Variants in SEL1L2 observed in about 807,000 individuals in gnomAD.
The protein encoded by SEL1L2 is SEL1L2 adaptor subunit of SYVN1 ubiquitin ligase, also known as protein sel-1 homolog 2.
Under a neutral mutation model 98.8 loss-of-function variants are expected in SEL1L2, and 89 were observed. The observed-to-expected ratio is 0.90, with a 90% CI of 0.76 to 1.07. SEL1L2 has a LOEUF of 1.07. Ranked by LOEUF, SEL1L2 falls within the 50% of genes least tolerant of loss-of-function variation. The pLI, the probability that SEL1L2 is intolerant of heterozygous loss-of-function variation, is 0.00. For missense variants in SEL1L2, 788 were observed against 812.0 expected (o/e 0.97, Z 0.36); for synonymous variants, 262 against 278.5 (o/e 0.94, Z 0.59).
At chr20:13,891,193 C>A (rs2047189788) in intron 5 of SEL1L2, among the ~76,000 whole-genome samples, 2 of 151,640 alleles carry the variant, frequency 1.3e-5, no homozygotes, top group African/African-American at 4.9e-5. Flanking sequence ...ACCCGAAGAG[C>A]CCCAAACCAA....
At chr20:13,891,698 G>T (rs1220214708) in intron 5 of SEL1L2, among the ~76,000 whole-genome samples, 2 of 143,152 alleles carry the variant, frequency 1.4e-5, no homozygotes, top group Non-Finnish European at 3.0e-5. Flanking sequence ...AAAAGACAAA[G>T]CTGTCCACCA....
intron 18 of SEL1L2, among the ~76,000 whole-genome samples, chr20:13,850,748 A>T (rs1600432056): frequency 6.6e-6 from 1 of 152,084 alleles, no homozygotes; most frequent in Admixed American, 6.6e-5. Flanking sequence ...GCCTCGTGAA[A>T]CCCCAAACTG....
At position 13,865,335 on chromosome 20, in the gene SEL1L2, T is replaced by A; in HGVS notation, c.1570+14A>T. 6.2e-7 allele frequency: 1 copy of A among 1,613,450 alleles called. No individual in the cohort carries two copies. Among genetic ancestry groups the A allele is most frequent in the Non-Finnish European group, 8.5e-7 (1 of 1,179,524 alleles). On this transcript the variant is annotated intron_variant, in intron 16 of 19. Coordinates refer to ENST00000284951, the MANE Select transcript of SEL1L2 (RefSeq NM_025229.2). ...TATGATTGGGGGATTGCAGAGAATTTTAACTCATCTTACTAGATTCCAAAA... is the reference window on the plus strand; with the variant it reads ...TATGATTGGGGGATTGCAGAGAATTATAACTCATCTTACTAGATTCCAAAA...
intron 3 of SEL1L2, among the ~76,000 whole-genome samples, chr20:13,921,923 T>C (rs576140980): frequency 1.5e-3 from 225 of 152,184 alleles, no homozygotes; most frequent in Non-Finnish European, 2.3e-3. Context: ...CATCACCTCA[T>C]TGTAAAATGG....
At chr20:13,901,062 TCTTTCTTTCTTTC>T (rs1364159969) in intron 5 of SEL1L2, among the ~76,000 whole-genome samples, 27 of 142,596 alleles carry the variant, frequency 1.9e-4, no homozygotes, top group African/African-American at 6.7e-4. Flanking sequence ...TTTTTCTTTT[TCTTTCTTTCTTTC>T]TTTTTTTTTT....
intron 1 of SEL1L2, among the ~76,000 whole-genome samples, chr20:13,957,804 G>A (rs1446932182): frequency 1.3e-5 from 2 of 152,112 alleles, no homozygotes; most frequent in African/African-American, 4.8e-5. Flanking sequence ...TTGAGCCCGG[G>A]AAATCAAGGC....
In SEL1L2 at chr20:13,876,040, T is replaced by C. The variant is rs376944893; in HGVS notation, c.1102A>G (p.Lys368Glu). 78 of 1,612,582 alleles carry C rather than the reference T, an allele frequency of 4.8e-5. No individual in the cohort carries two copies. The highest frequency in any genetic ancestry group is 6.7e-5 in the Admixed American group (4 of 59,998). ...ACAACAGTGCATTGAGGACATACCT[T>C]ACTGGCTGCCATGGAAAAGTACTTG... ...AFKYFSMAAS[K>E]GNAIGLHGLG... Residue 368 changes from lysine (K) to glutamate (E), a missense_variant and splice_region_variant, in exon 12 of 20, where the codon AAG becomes GAG. Transcript: ENST00000284951.
intron 1 of SEL1L2, among the ~76,000 whole-genome samples, chr20:13,985,291 A>G (rs1569090325): frequency 6.6e-6 from 1 of 152,202 alleles, no homozygotes; most frequent in Non-Finnish European, 1.5e-5. Flanking sequence ...GTTGCTTCTT[A>G]CATACTACAC....
intron 4 of SEL1L2, among the ~76,000 whole-genome samples, chr20:13,916,671 T>A (rs961262661): frequency 1.3e-5 from 2 of 152,022 alleles, no homozygotes; most frequent in Non-Finnish European, 1.5e-5. Context: ...CCGGGTGTGG[T>A]GGTGGGCACC....
chr20:13,882,762 T>TG (rs1312028035), intron 10 of SEL1L2, among the ~76,000 whole-genome samples: 1 of 151,952 alleles, frequency 6.6e-6, no homozygotes, highest in Non-Finnish European at 1.5e-5. Context: ...AGTTTGGGAC[T>TG]ATTTTTTTAA....
chr20:13,975,478 C>T (rs764493815), intron 1 of SEL1L2, among the ~76,000 whole-genome samples: 7 of 152,218 alleles, frequency 4.6e-5, no homozygotes, highest in South Asian at 2.1e-4. Context: ...ACAGAGTAAA[C>T]GCCTTTGATT....
Position 13,849,283 on chromosome 20 carries a change from C to G in SEL1L2, c.*202G>C. On this transcript the variant is annotated 3_prime_UTR_variant, in exon 20 of 20. Transcript: ENST00000284951. Reference sequence around the variant, plus strand: ...AAGGTCTTAGGTGACCAGTTCCCAGCATCCCGCAAAGGGTTTTCTCTACTA... The same window carrying G: ...AAGGTCTTAGGTGACCAGTTCCCAGGATCCCGCAAAGGGTTTTCTCTACTA... 1.8e-6 allele frequency: 1 copy of G among 560,640 alleles called. No individual in the cohort carries two copies. The highest frequency in any genetic ancestry group is 3.5e-5 in the Admixed American group (1 of 28,454). 34.7% of individuals were successfully genotyped at this position (560,640 alleles called of 1,614,324 possible).
chr20:13,902,725 G>T (rs988576033), intron 5 of SEL1L2, among the ~76,000 whole-genome samples: 9 of 151,810 alleles, frequency 5.9e-5, no homozygotes, highest in Admixed American at 1.3e-4. Context: ...AAAACGTCTG[G>T]TTTTTTCTTT....
intron 1 of SEL1L2, among the ~76,000 whole-genome samples, chr20:13,971,420 T>C (rs1259156346): frequency 3.9e-5 from 6 of 151,980 alleles, no homozygotes; most frequent in Admixed American, 3.9e-4. Flanking sequence ...AATGTACTTT[T>C]GTTTTGTTTT....
At chr20:13,855,166 A>G (rs1211244802) in intron 18 of SEL1L2, among the ~76,000 whole-genome samples, 1 of 152,108 alleles carries the variant, frequency 6.6e-6, no homozygotes, top group Admixed American at 6.6e-5. Flanking sequence ...AATATGGGGT[A>G]AGATCATTCC....
chr20:13,877,527 A>G lies in SEL1L2; in HGVS notation c.1019T>C (p.Ile340Thr). The change falls in exon 11 of 20, where the codon ATA becomes ACA. Residue 340 changes from isoleucine (I) to threonine (T), a missense_variant. Physicochemically the swap from Ile to Thr is moderately conservative, Grantham distance 89. Coordinates refer to ENST00000284951, the MANE Select transcript of SEL1L2 (RefSeq NM_025229.2). The part of the protein sequence containing the change: ...KAGSANAMAF[I>T]GKMYLEGNAA... The stretch of plus-strand genomic sequence containing the variant: ...TCAAGATGAAGCATGTACCTTTCCT[A>G]TAAATGCCATGGCATTTGCACTCCC... 1.2e-6 allele frequency: 2 copies of G among 1,609,170 alleles called. No homozygotes were observed. Among genetic ancestry groups the G allele is most frequent in the Non-Finnish European group, 1.7e-6 (2 of 1,175,918 alleles).
Position 13,951,005 on chromosome 20 carries a change from G to A in SEL1L2, c.114+5071C>T, listed in dbSNP as rs553635288. Reference sequence around the variant, plus strand: ...AAAATACTGATTAGAGGCCGGGCGCGGTGGCTCACACCTGTAATCTCAGCA... The same window carrying A: ...AAAATACTGATTAGAGGCCGGGCGCAGTGGCTCACACCTGTAATCTCAGCA... On this transcript the variant is annotated intron_variant, in intron 2 of 19. Coordinates refer to ENST00000284951, the MANE Select transcript of SEL1L2 (RefSeq NM_025229.2). Among the ~76,000 whole-genome samples, 33 of 152,188 alleles carry A rather than the reference G, an allele frequency of 2.2e-4. No homozygotes were observed. In the South Asian group the frequency reaches 6.2e-3, roughly 29 times the overall value.
chr20:13,967,957 T>C (rs2051124416), intron 1 of SEL1L2, among the ~76,000 whole-genome samples: 1 of 152,232 alleles, frequency 6.6e-6, no homozygotes, highest in Non-Finnish European at 1.5e-5. Flanking sequence ...TCAAGGTCTC[T>C]AAATACAAAT....
chr20:13,932,778 C>CT (rs930455975), intron 2 of SEL1L2, among the ~76,000 whole-genome samples: 4 of 151,718 alleles, frequency 2.6e-5, no homozygotes, highest in Non-Finnish European at 5.9e-5. Context: ...TTTTTGTTTG[C>CT]TTTTTTTTCC....
Sources: allele counts gnomAD v4.1 joint callset (sites outside exome capture counted in the v4.1 genomes callset), GRCh38; gene constraint gnomAD v4.1.1; transcripts MANE v1.5; gene names NCBI Gene and HGNC (gene_info 2026-07-23, HGNC 2026-07-21).